RASEF: variants seen among roughly 807,000 people sequenced by gnomAD.
The protein encoded by RASEF is ras and EF-hand domain-containing protein.
RASEF carries 68 observed loss-of-function variants against 90.1 expected under a neutral mutation model. The observed-to-expected ratio is 0.75, with a 90% CI of 0.62 to 0.92. The LOEUF (loss-of-function observed/expected upper bound fraction) is 0.92, where lower values mean the gene tolerates loss of function less well. Ranked by LOEUF, RASEF falls within the 40% of genes least tolerant of loss-of-function variation. RASEF has a pLI of 0.00. For missense variants in RASEF, 949 were observed against 937.2 expected (o/e 1.01, Z -0.16); for synonymous variants, 331 against 345.2 (o/e 0.96, Z 0.46).
chr9:83,035,625 C>T (rs530577689), intron 1 of RASEF, among the ~76,000 whole-genome samples: 35 of 152,080 alleles, frequency 2.3e-4, no homozygotes, highest in Non-Finnish European at 3.7e-4. Context: ...TTGCTCTCCC[C>T]GTATTTCTCT....
At chr9:83,151,980 A>T in the RASEF span, among the ~76,000 whole-genome samples, 1 of 152,328 alleles carries the variant, frequency 6.6e-6, no homozygotes, top group East Asian at 1.9e-4. Context: ...AGGGGAAGAT[A>T]CTTCAAGGAC....
At chr9:83,073,966 CTTGA>C in the RASEF span, among the ~76,000 whole-genome samples, 1 of 152,146 alleles carries the variant, frequency 6.6e-6, no homozygotes, top group Non-Finnish European at 1.5e-5. Flanking sequence ...ACAATTATTT[CTTGA>C]TTATTTCCGA....
chr9:83,133,490 T>C, the RASEF span, among the ~76,000 whole-genome samples: 8 of 151,810 alleles, frequency 5.3e-5, no homozygotes, highest in African/African-American at 1.9e-4. Flanking sequence ...ACTCATCTGA[T>C]TCCCAATTAG....
chr9:83,181,945 C>G, the RASEF span, among the ~76,000 whole-genome samples: 1 of 152,124 alleles, frequency 6.6e-6, no homozygotes, highest in South Asian at 2.1e-4. Context: ...CTGCATTGAT[C>G]CACTTTTGGA....
At chr9:83,138,863 A>T in the RASEF span, among the ~76,000 whole-genome samples, 3 of 152,146 alleles carry the variant, frequency 2.0e-5, no homozygotes, top group African/African-American at 7.2e-5. Flanking sequence ...GATAAGACTT[A>T]TCTGTGGTTG....
the RASEF span, among the ~76,000 whole-genome samples, chr9:83,198,695 C>T: frequency 2.6e-5 from 4 of 152,254 alleles, no homozygotes; most frequent in South Asian, 4.1e-4. Flanking sequence ...GAACTTGTTT[C>T]GCTCTCAGCG....
the RASEF span, among the ~76,000 whole-genome samples, chr9:83,208,573 A>C: frequency 3.3e-5 from 5 of 151,940 alleles, no homozygotes; most frequent in Non-Finnish European, 5.9e-5. Flanking sequence ...GAATATGTCT[A>C]TTTCCTGTTC....
upstream of RASEF, among the ~76,000 whole-genome samples, chr9:83,067,715 G>A (rs958076381): frequency 1.3e-5 from 2 of 152,094 alleles, no homozygotes; most frequent in African/African-American, 4.8e-5. Flanking sequence ...CAGAGTTGGC[G>A]TTCATTATTA....
At chr9:83,034,225 A>G (rs1012891080) in intron 1 of RASEF, among the ~76,000 whole-genome samples, 1 of 152,186 alleles carries the variant, frequency 6.6e-6, no homozygotes, top group African/African-American at 2.4e-5. Context: ...CAGCTCTCCA[A>G]TCTAGAGAAA....
At chr9:83,095,827 A>G in the RASEF span, among the ~76,000 whole-genome samples, 2 of 152,140 alleles carry the variant, frequency 1.3e-5, no homozygotes, top group East Asian at 3.9e-4. Flanking sequence ...AATGAAATGA[A>G]TAACTAATTC....
the RASEF span, among the ~76,000 whole-genome samples, chr9:83,217,176 G>A: frequency 6.6e-6 from 1 of 152,014 alleles, no homozygotes; most frequent in Non-Finnish European, 1.5e-5. Flanking sequence ...TTTGGAAAGG[G>A]GGTATTTATC....
intron 5 of RASEF, 135 bp from the exon 6 acceptor site, chr9:83,009,891 A>G (rs1829208877): frequency 1.8e-6 from 1 of 558,318 alleles, no homozygotes; most frequent in African/African-American, 1.9e-5. Flanking sequence ...TGTTCAAACA[A>G]CTATTTGTCA....
chr9:83,096,627 CT>C, the RASEF span, among the ~76,000 whole-genome samples: 136 of 148,252 alleles, frequency 9.2e-4, no homozygotes, highest in African/African-American at 2.0e-3. Context: ...GACTTGTTTT[CT>C]TTTTTTTTTT....
intron 1 of RASEF, among the ~76,000 whole-genome samples, chr9:83,028,518 A>G (rs1377078689): frequency 6.6e-6 from 1 of 152,210 alleles, no homozygotes; most frequent in Non-Finnish European, 1.5e-5. Flanking sequence ...CTTTTGCCCT[A>G]TTACTCTGTT....
rs768849309 is a variant in RASEF, at chr9:83,007,428, C to T, written c.1028+9G>A. 16 of 1,594,968 alleles carry T rather than the reference C, an allele frequency of 1.0e-5. No individual in the cohort carries two copies. The highest frequency in any genetic ancestry group is 1.1e-5 in the South Asian group (1 of 90,662). ...GTAAATGTAATGAGCATTTGATCTG[C>T]GGACTTACTGGAGTATTTCAATTTG... On this transcript the variant is annotated intron_variant, in intron 7 of 16. Transcript: ENST00000376447.
chr9:83,092,233 T>C, the RASEF span, among the ~76,000 whole-genome samples: 6 of 151,964 alleles, frequency 3.9e-5, no homozygotes, highest in Non-Finnish European at 1.5e-5. Flanking sequence ...CGTGAACCAA[T>C]TATGTCCCTC....
the RASEF span, among the ~76,000 whole-genome samples, chr9:83,104,846 A>G: frequency 6.6e-6 from 1 of 152,182 alleles, no homozygotes; most frequent in Non-Finnish European, 1.5e-5. Context: ...AACTTATAGA[A>G]TATCCAAAAG....
the RASEF span, among the ~76,000 whole-genome samples, chr9:83,144,358 A>C: frequency 9.4e-6 from 1 of 106,458 alleles, no homozygotes; most frequent in South Asian, 3.1e-4. Flanking sequence ...AAAGAAAGAA[A>C]GAAAGAAAGA....
rs532283266 is a variant in RASEF, at chr9:83,009,631, A to G, written c.959+10T>C. ...TACTCAAACTAACAAATAAAATGCA[A>G]AGTTCATACCTTTCAGTATTCAGAC... On this transcript the variant is annotated intron_variant, in intron 6 of 16. Coordinates refer to ENST00000376447, the MANE Select transcript of RASEF (RefSeq NM_152573.4). 65 of 1,512,896 alleles carry G rather than the reference A, an allele frequency of 4.3e-5. No homozygotes were observed. In the South Asian group the frequency reaches 6.0e-4, roughly 14 times the overall value. 93.7% of individuals were successfully genotyped at this position (1,512,896 alleles called of 1,614,324 possible). A position where few individuals can be genotyped will look rare whatever the true frequency, so the allele number is the denominator to read the frequency against.
Sources: allele counts gnomAD v4.1 joint callset (sites outside exome capture counted in the v4.1 genomes callset), GRCh38; gene constraint gnomAD v4.1.1; transcripts MANE v1.5; gene names NCBI Gene and HGNC (gene_info 2026-07-23, HGNC 2026-07-21).